The following FCGR2A variants were observed in gnomAD, a reference collection of about 807,000 sequenced individuals.
FCGR2A encodes the protein low affinity immunoglobulin gamma Fc region receptor II-a.
FCGR2A carries 18 observed loss-of-function variants against 29.3 expected under a neutral mutation model. The observed-to-expected ratio is 0.62, with a 90% confidence interval of 0.43 to 0.91. The LOEUF is 0.91. FCGR2A is among the 40% of genes least tolerant of loss of function. The pLI is 0.00. For synonymous variants in FCGR2A, 126 were observed against 144.8 expected, an observed-to-expected ratio of 0.87 and a Z score of 0.93; for missense variants, 287 against 393.0, an observed-to-expected ratio of 0.73 and a Z score of 2.28.
chr1:161,515,957 C>T (rs577907414), intron 6 of FCGR2A, among the ~76,000 whole-genome samples: 2 of 152,198 alleles, frequency 1.3e-5, no homozygotes, highest in East Asian at 3.9e-4. Flanking sequence ...GAAAAATAAG[C>T]ACTTATATAA....
chr1:161,507,728 T>C (rs1675502374), intron 3 of FCGR2A, among the ~76,000 whole-genome samples: 1 of 152,216 alleles, frequency 6.6e-6, no homozygotes, highest in Non-Finnish European at 1.5e-5. Context: ...CCTCTCTGTA[T>C]TGGCTTCCCA....
chr1:161,513,970 G>T (rs1464614202), intron 6 of FCGR2A, 38 bp downstream of exon 6: 10 of 1,613,940 alleles, frequency 6.2e-6, no homozygotes, highest in East Asian at 4.5e-5. Flanking sequence ...CTCCTGCCTT[G>T]TCCCTTCTCT....
chr1:161,521,231 A>G (rs1217935006), downstream of FCGR2A, among the ~76,000 whole-genome samples: 5 of 151,914 alleles, frequency 3.3e-5, no homozygotes, highest in Non-Finnish European at 7.4e-5. Context: ...CACTCCTCTC[A>G]TTAGAATGTG....
At chr1:161,508,990 A>C (rs1378095603) in intron 3 of FCGR2A, among the ~76,000 whole-genome samples, 2 of 150,874 alleles carry the variant, frequency 1.3e-5, no homozygotes, top group African/African-American at 4.8e-5. Context: ...CTGTGCCCCC[A>C]AAATTCATAT....
At chr1:161,514,977 T>C (rs1017928665) in intron 6 of FCGR2A, 1 of 152,198 alleles carries the variant, frequency 6.6e-6, no homozygotes, top group Admixed American at 6.5e-5. Context: ...TCAGATAATA[T>C]GGGCCCAGAA....
downstream of FCGR2A, among the ~76,000 whole-genome samples, chr1:161,522,294 C>T (rs1456482213): frequency 6.6e-6 from 1 of 152,112 alleles, no homozygotes; most frequent in Non-Finnish European, 1.5e-5. Context: ...AACTGTACTG[C>T]ATGCATAAGC....
Position 161,511,272 on chromosome 1 carries a change from C to T in FCGR2A, c.742+316C>T, listed in dbSNP as rs547253945. Among the ~76,000 whole-genome samples the T allele has an allele frequency of 3.0e-4, 45 of 152,238 alleles. No individual in the cohort carries two copies. In the Middle Eastern group the frequency reaches 0.014, roughly 46 times the overall value. On this transcript the variant is annotated intron_variant, in intron 5 of 6. Coordinates refer to ENST00000271450, the MANE Select transcript of FCGR2A (RefSeq NM_001136219.3). ...GCAGCGCTTAGCTAGGGAAGGAGGA[C>T]TCTCCAGGCACTGGGCCAAGGCAGG...
chr1:161,505,822 A>C, intron 1 of FCGR2A, 165 bp from the exon 2 acceptor site: 2 of 756,324 alleles, frequency 2.6e-6, no homozygotes, highest in Non-Finnish European at 4.7e-6. Flanking sequence ...TAAAGGGGAC[A>C]TATGAAGTGA....
At chr1:161,522,588 G>A (rs1676497044), downstream of FCGR2A, among the ~76,000 whole-genome samples, 1 of 152,088 alleles carries the variant, frequency 6.6e-6, no homozygotes, top group African/African-American at 2.4e-5. Context: ...CTTGCAGGCC[G>A]TTGGCAAATG....
chr1:161,511,077 T>C (rs1249551833), intron 5 of FCGR2A, 121 bp downstream of exon 5: 1 of 1,439,642 alleles, frequency 6.9e-7, no homozygotes, highest in Non-Finnish European at 9.7e-7. Flanking sequence ...GGCCCACCTT[T>C]TATTTATTAG....
intron 6 of FCGR2A, among the ~76,000 whole-genome samples, chr1:161,515,525 A>C (rs1676095799): frequency 6.6e-6 from 1 of 152,096 alleles, no homozygotes; most frequent in African/African-American, 2.4e-5. Flanking sequence ...ATAATAGGTG[A>C]AAATGCCCCA....
At chr1:161,514,047 T>G (rs1284228683) in intron 6 of FCGR2A, 115 bp downstream of exon 6, 29 of 1,488,214 alleles carry the variant, frequency 1.9e-5, no homozygotes, top group Non-Finnish European at 2.5e-5. Context: ...TGAAAACTCC[T>G]GAGCAAACAA....
At chr1:161,511,881 C>G (rs538545549) in intron 5 of FCGR2A, among the ~76,000 whole-genome samples, 5 of 152,158 alleles carry the variant, frequency 3.3e-5, no homozygotes, top group Admixed American at 3.3e-4. Context: ...CCGGCTGGAC[C>G]TGAGCCAGCG....
intron 3 of FCGR2A, among the ~76,000 whole-genome samples, chr1:161,507,733 T>G (rs952669790): frequency 2.0e-5 from 3 of 152,206 alleles, no homozygotes; most frequent in African/African-American, 7.2e-5. Context: ...CTGTATTGGC[T>G]TCCCAGAGAC....
chr1:161,523,476 T>A (rs1221698435), downstream of FCGR2A: 1 of 152,072 alleles, frequency 6.6e-6, no homozygotes, highest in African/African-American at 2.4e-5. Flanking sequence ...ACTCTCCACC[T>A]GAGTCCTGGT....
In FCGR2A at chr1:161,510,083, A is replaced by G. The variant is rs778391223; in HGVS notation, c.619+9A>G. 6.2e-7 allele frequency: 1 copy of G among 1,613,194 alleles called. No homozygotes were observed. The highest frequency in any genetic ancestry group is 1.3e-5 in the African/African-American group (1 of 74,888). ...GACCATCACTGTCCAAGGTATGGGG[A>G]GTCTGCCAAGATGTAGGGAGGGGAG... On this transcript the variant is annotated intron_variant, in intron 4 of 6. Transcript: ENST00000271450.
At chr1:161,509,541 C>T (rs558005507) in intron 3 of FCGR2A, among the ~76,000 whole-genome samples, 21 of 152,280 alleles carry the variant, frequency 1.4e-4, no homozygotes, top group East Asian at 5.8e-4. Context: ...TACTGAAATG[C>T]GCTCATTTCT....
intron 5 of FCGR2A, among the ~76,000 whole-genome samples, chr1:161,511,644 C>A (rs970824856): frequency 6.6e-6 from 1 of 152,158 alleles, no homozygotes; most frequent in African/African-American, 2.4e-5. Context: ...GGTGGGAGGA[C>A]AGGAAACATC....
At chr1:161,515,584 T>G (rs1052841575) in intron 6 of FCGR2A, among the ~76,000 whole-genome samples, 4 of 152,060 alleles carry the variant, frequency 2.6e-5, no homozygotes, top group Non-Finnish European at 5.9e-5. Flanking sequence ...GCCTTTGAGT[T>G]GTGTAAATGT....
Sources: gnomAD v4.1 joint callset for allele counts (sites outside exome capture counted in the v4.1 genomes callset) on GRCh38, gnomAD v4.1.1 for gene constraint, MANE v1.5 for transcripts, NCBI Gene and HGNC (gene_info 2026-07-23, HGNC 2026-07-21) for gene names.